Variants in HELLS observed in about 807,000 individuals in gnomAD.
HELLS encodes helicase, lymphoid specific.
In HELLS, 32 loss-of-function variants were observed where a neutral mutation model predicts 120.0. The ratio of observed to expected loss-of-function variants is 0.27; its 90% CI spans 0.20 to 0.36. The LOEUF (loss-of-function observed/expected upper bound fraction) is 0.36. Ranked by LOEUF, HELLS falls within the 10% of genes least tolerant of loss-of-function variation. HELLS has a pLI of 1.00. For missense variants in HELLS, 650 were observed against 993.4 expected, an observed-to-expected ratio of 0.65 and a Z score of 4.65; for synonymous variants, 341 against 323.4, an observed-to-expected ratio of 1.05 and a Z score of -0.58.
chr10:94,563,409 A>G (rs914640986), intron 6 of HELLS, among the ~76,000 whole-genome samples: 1 of 152,068 alleles, frequency 6.6e-6, no homozygotes, highest in South Asian at 2.1e-4. Context: ...TTAAGTGGCA[A>G]ATAGGCTTAC....
chr10:94,590,009 A>G (rs1589756060), intron 13 of HELLS, among the ~76,000 whole-genome samples: 1 of 152,040 alleles, frequency 6.6e-6, no homozygotes, highest in South Asian at 2.1e-4. Context: ...TTAATAATTA[A>G]TTATAATTAA....
intron 11 of HELLS, 111 bp downstream of exon 11, chr10:94,581,633 G>A (rs1047918120): frequency 5.1e-5 from 37 of 718,650 alleles, no homozygotes; most frequent in Admixed American, 2.2e-4. Flanking sequence ...CAAGTTCTTT[G>A]TGGTGTATAT....
At chr10:94,600,067 G>T (rs775357262) in intron 21 of HELLS, among the ~76,000 whole-genome samples, 5 of 152,084 alleles carry the variant, frequency 3.3e-5, no homozygotes, top group Non-Finnish European at 5.9e-5. Flanking sequence ...GAGGCAGGTG[G>T]ATTGCCTGAG....
intron 2 of HELLS, among the ~76,000 whole-genome samples, chr10:94,552,060 C>T (rs904151563): frequency 4.6e-5 from 7 of 152,184 alleles, no homozygotes; most frequent in Non-Finnish European, 8.8e-5. Flanking sequence ...ATTTCAAACA[C>T]GCTGTAAACA....
chr10:94,576,555 A>AT (rs1844495151), intron 9 of HELLS, 107 bp from the exon 10 acceptor site: 1 of 592,824 alleles, frequency 1.7e-6, no homozygotes, highest in Admixed American at 3.6e-5. Flanking sequence ...TAGAAATAAA[A>AT]TTTTTTAAAA....
At chr10:94,555,301 G>A (rs1001882224) in intron 3 of HELLS, among the ~76,000 whole-genome samples, 1 of 152,174 alleles carries the variant, frequency 6.6e-6, no homozygotes, top group Non-Finnish European at 1.5e-5. Context: ...GCCGGTCATG[G>A]TGGTGTGTGC....
At chr10:94,553,229 A>G (rs900266030) in intron 2 of HELLS, among the ~76,000 whole-genome samples, 5 of 151,922 alleles carry the variant, frequency 3.3e-5, no homozygotes, top group Non-Finnish European at 7.4e-5. Flanking sequence ...CACAACATCA[A>G]TGTTTTAGCA....
chr10:94,605,010 C>G (rs1344388466), downstream of HELLS, among the ~76,000 whole-genome samples: 1 of 150,576 alleles, frequency 6.6e-6, no homozygotes, highest in Non-Finnish European at 1.5e-5. Context: ...CTTTACCATA[C>G]TCCTGGGTAT....
rs751553870 is a variant in HELLS at position 94,581,273 on chromosome 10, GA to G, written c.1033-48del. The G allele has an allele frequency of 3.2e-5, 37 of 1,141,376 alleles. No individual in the cohort carries two copies. The Admixed American group carries it at 6.6e-4, about 20-fold the overall frequency. 70.7% of individuals were successfully genotyped at this position (1,141,376 alleles called of 1,614,324 possible). On this transcript the variant is annotated intron_variant, in intron 10 of 21. Transcript: ENST00000348459. ...GGTTTTATTTTTAGAATTCTTGTTA[GA>G]AAAATTGTGAGATCATTGTTTAAAA...
chr10:94,608,407 C>T (rs1461225203), intron 9 of HELLS, among the ~76,000 whole-genome samples: 1 of 152,154 alleles, frequency 6.6e-6, no homozygotes, highest in Non-Finnish European at 1.5e-5. Context: ...CCTTCACTGT[C>T]TTTCTTACAG....
rs1589753370 is a variant in HELLS, at chr10:94,588,299, T to C, written c.1397T>C (p.Val466Ala). Residue 466 changes from valine (V) to alanine (A), a missense_variant, in exon 13 of 22, where the codon GTA becomes GCA. Physicochemically the swap from Val to Ala is moderately conservative, Grantham distance 64 (BLOSUM62 0). Coordinates refer to ENST00000348459, the MANE Select transcript of HELLS (RefSeq NM_018063.5). ...VALEVPPKRE[V>A]VVYAPLSKKQ... ...CTTGAAGTTCCTCCTAAACGAGAAG[T>C]AGTCGTTTATGCTCCACTTTCAAAG... 6.2e-7 allele frequency: 1 copy of C among 1,610,982 alleles called. No individual in the cohort carries two copies. Among genetic ancestry groups the C allele is most frequent in the Admixed American group, 1.7e-5 (1 of 59,944 alleles).
At chr10:94,607,388 TC>T (rs1161900961) in intron 8 of HELLS, among the ~76,000 whole-genome samples, 1 of 152,236 alleles carries the variant, frequency 6.6e-6, no homozygotes, top group Non-Finnish European at 1.5e-5. Context: ...AACACCTGTT[TC>T]ATTTTTTACA....
At position 94,546,429 on chromosome 10, in the gene HELLS, G is replaced by A. The variant is rs760551655; in HGVS notation, c.84G>A (p.Pro28=). ...VEQLDTAVIT[P]AMLEEEEQLE... is the part of the protein sequence containing the mutation. ...AACTGGACACTGCTGTGATTACCCC[G>A]GCCATGCTAGAAGAGGAAGAACAGC... The change falls in exon 2 of 22, where the codon CCG becomes CCA. Residue 28 remains proline, a synonymous_variant. Coordinates refer to ENST00000348459, the MANE Select transcript of HELLS (RefSeq NM_018063.5). 2 of 1,613,986 alleles carry A rather than the reference G, an allele frequency of 1.2e-6. No homozygotes were observed. Among genetic ancestry groups the A allele is most frequent in the Non-Finnish European group, 1.7e-6 (2 of 1,180,010 alleles).
At chr10:94,562,627 C>A in intron 4 of HELLS, 64 bp from the exon 5 acceptor site, 1 of 1,149,566 alleles carries the variant, frequency 8.7e-7, no homozygotes, top group South Asian at 1.4e-5. Flanking sequence ...TAATCAGTGC[C>A]TTTTAACGTA....
At chr10:94,551,154 G>T (rs1179715915) in intron 2 of HELLS, among the ~76,000 whole-genome samples, 2 of 152,186 alleles carry the variant, frequency 1.3e-5, no homozygotes, top group African/African-American at 4.8e-5. Context: ...AGAATTATCT[G>T]TGTAGGTGGG....
chr10:94,609,203 A>G (rs1162243642), intron 9 of HELLS, among the ~76,000 whole-genome samples: 1 of 151,610 alleles, frequency 6.6e-6, no homozygotes, highest in Non-Finnish European at 1.5e-5. Context: ...TTGTATTTTT[A>G]GTAGAGATGA....
At chr10:94,557,788 C>A (rs926976357) in intron 3 of HELLS, among the ~76,000 whole-genome samples, 4 of 152,202 alleles carry the variant, frequency 2.6e-5, no homozygotes, top group Non-Finnish European at 4.4e-5. Context: ...GACTGTTGGG[C>A]TCTGTTTGGA....
Position 94,594,854 on chromosome 10 carries a change from A to G in HELLS, c.2248A>G (p.Asn750Asp), listed in dbSNP as rs1477409931. 1 of 1,603,754 alleles carries G rather than the reference A, an allele frequency of 6.2e-7. No homozygotes were observed. Among genetic ancestry groups the G allele is most frequent in the East Asian group, 2.2e-5 (1 of 44,784 alleles). ...ACTGGAAAAGTTGATCATCCATAAA[A>G]GTAAATAACACTTATGTAGTGCTTT... Reference protein sequence around the residue: ...RKLEKLIIHKNHFKGGQSGLN... With the variant: ...RKLEKLIIHKDHFKGGQSGLN... The change falls in exon 19 of 22, where the codon AAT becomes GAT. Residue 750 changes from asparagine to aspartate, a missense_variant and splice_region_variant. By Grantham distance (23) the Asn-to-Asp change is conservative. Coordinates refer to ENST00000348459, the MANE Select transcript of HELLS (RefSeq NM_018063.5).
chr10:94,592,995 A>G (rs1489941038), intron 17 of HELLS, among the ~76,000 whole-genome samples: 1 of 152,160 alleles, frequency 6.6e-6, no homozygotes, highest in African/African-American at 2.4e-5. Flanking sequence ...AATATAGATG[A>G]TACTACCCTT....
Sources: allele counts gnomAD v4.1 joint callset (sites outside exome capture counted in the v4.1 genomes callset), GRCh38; gene constraint gnomAD v4.1.1; transcripts MANE v1.5; gene names NCBI Gene and HGNC (gene_info 2026-07-23, HGNC 2026-07-21).